TMEM132C: variants seen among roughly 807,000 people sequenced by gnomAD.
The protein encoded by TMEM132C is protein phosphatase 1, regulatory subunit 152.
Under a neutral mutation model 61.4 loss-of-function variants are expected in TMEM132C, and 29 were observed. The observed-to-expected ratio is 0.47, with a 90% confidence interval of 0.35 to 0.64. The LOEUF is 0.64. Among genes scored for constraint, TMEM132C ranks in the 30% least tolerant of loss-of-function variants. TMEM132C has a pLI of 0.00. For synonymous variants in TMEM132C, 656 were observed against 633.1 expected (o/e 1.04, Z -0.54); for missense variants, 1,408 against 1,476.9 (o/e 0.95, Z 0.76).
intron 1 of TMEM132C, among the ~76,000 whole-genome samples, chr12:128,325,941 G>GGA (rs1383916385): frequency 2.0e-5 from 3 of 152,128 alleles, no homozygotes; most frequent in Non-Finnish European, 4.4e-5. Context: ...TCGGTCTGCA[G>GGA]CCCCACAGTG....
intron 4 of TMEM132C, among the ~76,000 whole-genome samples, chr12:128,637,716 C>T (rs1277033603): frequency 6.6e-6 from 1 of 152,138 alleles, no homozygotes; most frequent in Non-Finnish European, 1.5e-5. Flanking sequence ...GTTCCTCTCG[C>T]CACGATACAA....
chr12:128,325,857 G>A (rs1228125028), intron 1 of TMEM132C, among the ~76,000 whole-genome samples: 1 of 152,074 alleles, frequency 6.6e-6, no homozygotes, highest in African/African-American at 2.4e-5. Flanking sequence ...GTGACCTGAG[G>A]TCATCGCAGT....
chr12:128,296,737 G>T (rs1446899672), intron 1 of TMEM132C, among the ~76,000 whole-genome samples: 1 of 152,152 alleles, frequency 6.6e-6, no homozygotes, highest in Non-Finnish European at 1.5e-5. Context: ...AGAAGATGGG[G>T]CAATAAAGTC....
chr12:128,338,499 C>T (rs564031411), intron 1 of TMEM132C, among the ~76,000 whole-genome samples: 1 of 152,068 alleles, frequency 6.6e-6, no homozygotes, highest in Admixed American at 6.6e-5. Flanking sequence ...ATCGAAGCCT[C>T]ATGGGGTGGG....
rs1428510160 is a variant in TMEM132C at position 128,415,459 on chromosome 12, C to T, written c.813C>T (p.Thr271=). The change falls in exon 2 of 9, where the codon ACC becomes ACT. Residue 271 remains threonine, a synonymous_variant. Transcript: ENST00000435159. This position sits in a 1 kb window ranked among gnomAD's most constrained non-coding sequence, Gnocchi z 5.8. ...CGTCCCACCTGCAGAGGATCGGCAC[C>T]GTCGGCCTTTACCGGGCCCAGGACA... ...ETTSHLQRIG[T]VGLYRAQDSA... The T allele has an allele frequency of 1.3e-6, 2 of 1,551,568 alleles. No homozygotes were observed. Among genetic ancestry groups the T allele is most frequent in the Admixed American group, 3.9e-5 (2 of 50,988 alleles).
At chr12:128,351,736 G>A (rs1222218172) in intron 1 of TMEM132C, among the ~76,000 whole-genome samples, 1 of 152,144 alleles carries the variant, frequency 6.6e-6, no homozygotes, top group Non-Finnish European at 1.5e-5. Flanking sequence ...ACTCCCGTGA[G>A]AATCTCATCA....
chr12:128,299,971 C>G (rs1448063678), intron 1 of TMEM132C, among the ~76,000 whole-genome samples: 1 of 152,200 alleles, frequency 6.6e-6, no homozygotes. Context: ...TTAAATAATT[C>G]CGTCAGTGTA....
At chr12:128,426,505 G>A (rs1307169073) in intron 2 of TMEM132C, among the ~76,000 whole-genome samples, 2 of 152,144 alleles carry the variant, frequency 1.3e-5, no homozygotes, top group Admixed American at 1.3e-4. Context: ...CTAATTCAGA[G>A]AACTCTGGAA....
intron 1 of TMEM132C, among the ~76,000 whole-genome samples, chr12:128,381,980 G>C (rs191454390): frequency 7.3e-5 from 11 of 151,510 alleles, no homozygotes; most frequent in African/African-American, 2.4e-4. Flanking sequence ...TCTTTGTCCC[G>C]TTGAAGACCC....
At chr12:128,696,595 G>A (rs1049116434) in intron 7 of TMEM132C, among the ~76,000 whole-genome samples, 5 of 152,136 alleles carry the variant, frequency 3.3e-5, no homozygotes, top group African/African-American at 9.7e-5. Context: ...TCAAGGAAGT[G>A]TATAGAATGG....
chr12:128,494,823 G>GT (rs1290733743), intron 2 of TMEM132C, among the ~76,000 whole-genome samples: 1 of 151,868 alleles, frequency 6.6e-6, no homozygotes, highest in Non-Finnish European at 1.5e-5. Context: ...TTTTTGAAGG[G>GT]TTTTTTGTGT....
At chr12:128,652,529 AAC>A (rs1466941738) in intron 4 of TMEM132C, among the ~76,000 whole-genome samples, 1 of 152,264 alleles carries the variant, frequency 6.6e-6, no homozygotes, top group African/African-American at 2.4e-5. Context: ...TACAGCTCGG[AAC>A]ACAGAGTTCT....
chr12:128,662,269 A>G (rs1000000618), intron 4 of TMEM132C, among the ~76,000 whole-genome samples: 8 of 152,188 alleles, frequency 5.3e-5, no homozygotes, highest in Non-Finnish European at 1.0e-4. Context: ...TCCAGCCACC[A>G]ATTGCCTTAT....
At chr12:128,634,873 G>A (rs768699888) in intron 4 of TMEM132C, among the ~76,000 whole-genome samples, 1 of 152,192 alleles carries the variant, frequency 6.6e-6, no homozygotes, top group Non-Finnish European at 1.5e-5. Context: ...AAGATTCATG[G>A]TATCCCTTTT....
intron 4 of TMEM132C, among the ~76,000 whole-genome samples, chr12:128,617,445 G>A (rs1366911216): frequency 6.6e-6 from 1 of 152,224 alleles, no homozygotes; most frequent in Non-Finnish European, 1.5e-5. Context: ...CCAACTTGAA[G>A]CCAATCACTG....
At chr12:128,397,702 C>T (rs553020273) in intron 1 of TMEM132C, among the ~76,000 whole-genome samples, 1 of 152,244 alleles carries the variant, frequency 6.6e-6, no homozygotes, top group African/African-American at 2.4e-5. Context: ...CAACCTTGCA[C>T]TCCTGCAGCG....
intron 1 of TMEM132C, among the ~76,000 whole-genome samples, chr12:128,325,508 A>G (rs973425521): frequency 6.6e-6 from 1 of 152,192 alleles, no homozygotes; most frequent in African/African-American, 2.4e-5. Flanking sequence ...ATGTGTATAC[A>G]TGCATGTATA....
At chr12:128,693,797 C>T (rs1164036964) in intron 5 of TMEM132C, 32 bp from the exon 6 acceptor site, 1 of 1,550,358 alleles carries the variant, frequency 6.5e-7, no homozygotes, top group Admixed American at 2.0e-5. Context: ...CCATGAACTT[C>T]TCCTCCATCC....
At position 128,391,142 on chromosome 12, in the gene TMEM132C, C is replaced by G. The variant is rs575823108; in HGVS notation, c.86-23590C>G. Among the ~76,000 whole-genome samples the G allele has an allele frequency of 8.5e-5, 13 of 152,262 alleles. No individual in the cohort carries two copies. In the East Asian group the frequency reaches 1.7e-3, roughly 20 times the overall value. Reference sequence around the variant, plus strand: ...ATGGAGGGACTCCTGCAGTCACCCTCCCTCCAAGTGGTGGCCATACAGTAT... The same window carrying G: ...ATGGAGGGACTCCTGCAGTCACCCTGCCTCCAAGTGGTGGCCATACAGTAT... On this transcript the variant is annotated intron_variant, in intron 1 of 8. Coordinates refer to ENST00000435159, the MANE Select transcript of TMEM132C (RefSeq NM_001136103.3).
Sources: gnomAD v4.1 joint callset for allele counts (sites outside exome capture counted in the v4.1 genomes callset) on GRCh38, gnomAD v4.1.1 for gene constraint, Gnocchi (gnomAD v3.1) non-coding constraint, MANE v1.5 for transcripts, NCBI Gene and HGNC (gene_info 2026-07-23, HGNC 2026-07-21) for gene names.